MIDN: variants seen among roughly 807,000 people sequenced by gnomAD.
MIDN encodes midnolin, also known as midbrain nucleolar protein.
Under a neutral mutation model 46.1 loss-of-function variants are expected in MIDN, and 26 were observed. The ratio of observed to expected loss-of-function variants is 0.56; its 90% CI spans 0.41 to 0.78. The LOEUF is 0.78. Ranked by LOEUF, MIDN falls within the 30% of genes least tolerant of loss-of-function variation. MIDN has a pLI of 0.00. For missense variants in MIDN, 850 were observed against 771.8 expected, an observed-to-expected ratio of 1.10 and a Z score of -1.20; for synonymous variants, 432 against 343.3, an observed-to-expected ratio of 1.26 and a Z score of -2.86.
At position 1,254,178 on chromosome 19, in the gene MIDN, C is replaced by T. The variant is rs1261868352; in HGVS notation, c.525C>T (p.Phe175=). 1.9e-6 allele frequency: 3 copies of T among 1,596,422 alleles called. No individual in the cohort carries two copies. The highest frequency in any genetic ancestry group is 2.2e-5 in the South Asian group (2 of 90,064). Residue 175 remains phenylalanine (F), a synonymous_variant, in exon 6 of 9, where the codon TTC becomes TTT. Transcript: ENST00000682408. The part of the protein sequence containing the change: ...RGGERPQVSD[F]LSGRSPLTLA... ...CGCTCTCCTTGCAGGTCAGTGACTT[C>T]CTGTCGGGCCGTTCGCCACTGACAC...
chr19:1,250,452 G>T lies in MIDN; in HGVS notation c.156G>T (p.Thr52=), dbSNP rs1351547965. 11 of 1,393,004 alleles carry T rather than the reference G, an allele frequency of 7.9e-6. No homozygotes were observed. Among genetic ancestry groups the T allele is most frequent in the Non-Finnish European group, 1.0e-5 (11 of 1,051,680 alleles). The allele number at this position is 1,393,004 out of a possible 1,614,324, so 86.3% of individuals were successfully genotyped here. Residue 52 remains threonine, a synonymous_variant, in exon 2 of 9, where the codon ACG becomes ACT. Coordinates refer to ENST00000682408, the MANE Select transcript of MIDN (RefSeq NM_001388306.1). ...RYDLAVPPDE[T]VEGLRKRLSQ... ...ACCTGGCCGTGCCGCCCGACGAGAC[G>T]GTGGAGGGGCTGCGCAAGCGGTTGT...
chr19:1,251,088 C>T (rs1490396053), intron 2 of MIDN, among the ~76,000 whole-genome samples: 1 of 151,896 alleles, frequency 6.6e-6, no homozygotes, highest in Non-Finnish European at 1.5e-5. Context: ...TCTCCTTTGT[C>T]TGCGCGGCGG....
chr19:1,256,991 G>C lies in MIDN; in HGVS notation c.1259-4G>C. ...GGAGTCACAGGCCACTACCTCCTTTGCAGGGGACCGGCTTCGGCAGACAGA... is the reference window on the plus strand; with the variant it reads ...GGAGTCACAGGCCACTACCTCCTTTCCAGGGGACCGGCTTCGGCAGACAGA... On this transcript the variant is annotated splice_region_variant and splice_polypyrimidine_tract_variant and intron_variant, in intron 8 of 8. Coordinates refer to ENST00000682408, the MANE Select transcript of MIDN (RefSeq NM_001388306.1). 1.2e-6 allele frequency: 2 copies of C among 1,607,954 alleles called. No individual in the cohort carries two copies. The highest frequency in any genetic ancestry group is 1.7e-6 in the Non-Finnish European group (2 of 1,179,800).
chr19:1,252,153 C>T (rs560364574), intron 4 of MIDN, among the ~76,000 whole-genome samples: 2 of 152,328 alleles, frequency 1.3e-5, no homozygotes, highest in African/African-American at 4.8e-5. Flanking sequence ...ACAAGACTGC[C>T]TGCAGGATGA....
intron 8 of MIDN, among the ~76,000 whole-genome samples, chr19:1,256,218 T>C (rs1161141568): frequency 6.6e-6 from 1 of 152,208 alleles, no homozygotes; most frequent in Non-Finnish European, 1.5e-5. Context: ...GCGCGGTGGC[T>C]CACGCCTGTA....
chr19:1,252,897 CG>C (rs1164219223), intron 4 of MIDN, among the ~76,000 whole-genome samples: 3 of 152,006 alleles, frequency 2.0e-5, no homozygotes, highest in South Asian at 2.1e-4. Flanking sequence ...CGAGCCAGGG[CG>C]GGGGCTGCAG....
At chr19:1,256,843 G>A (rs2081204713) in intron 8 of MIDN, 152 bp from the exon 9 acceptor site, 3 of 1,142,808 alleles carry the variant, frequency 2.6e-6, no homozygotes, top group Non-Finnish European at 3.7e-6. Flanking sequence ...TGCCCGGCAT[G>A]GTGGATGTCC....
intron 2 of MIDN, among the ~76,000 whole-genome samples, chr19:1,250,813 G>T (rs1336640027): frequency 3.9e-5 from 6 of 152,046 alleles, no homozygotes; most frequent in African/African-American, 1.2e-4. Context: ...GGCTGCGGGT[G>T]TGGGGGCCGC....
At chr19:1,256,343 C>T (rs375968511) in intron 8 of MIDN, among the ~76,000 whole-genome samples, 291 of 152,214 alleles carry the variant, frequency 1.9e-3, no homozygotes, top group African/African-American at 6.7e-3. Flanking sequence ...ATTAGCCAGG[C>T]GTGGTGGTGG....
intron 7 of MIDN, 105 bp from the exon 8 acceptor site, chr19:1,255,317 T>A (rs1486830023): frequency 6.5e-6 from 9 of 1,387,050 alleles, no homozygotes; most frequent in Non-Finnish European, 8.7e-6. Context: ...TCAGCCCACA[T>A]GTCCACGCCA....
At chr19:1,252,070 C>G (rs2145488101) in intron 4 of MIDN, among the ~76,000 whole-genome samples, 169 bp downstream of exon 4, 1 of 152,262 alleles carries the variant, frequency 6.6e-6, no homozygotes, top group Middle Eastern at 3.4e-3. Context: ...TCCTCTCCCC[C>G]AAGATTCACC....
rs1054549648 is a variant in MIDN at position 1,257,457 on chromosome 19, T to A, written c.*185T>A. ...TTTTTAAAAAGTTCTGACCGTGGTT[T>A]CCTGGACTCTTCATGGGCTTTGCTT... On this transcript the variant is annotated 3_prime_UTR_variant, in exon 9 of 9. Transcript: ENST00000682408. 6 of 568,716 alleles carry A rather than the reference T, an allele frequency of 1.1e-5. No individual in the cohort carries two copies. Among genetic ancestry groups the A allele is most frequent in the Non-Finnish European group, 1.9e-5 (6 of 323,280 alleles). The allele number at this position is 568,716 out of a possible 1,614,324, so 35.2% of individuals were successfully genotyped here.
At chr19:1,249,010 C>T (rs2081088473) in intron 1 of MIDN, among the ~76,000 whole-genome samples, 1 of 152,002 alleles carries the variant, frequency 6.6e-6, no homozygotes, top group South Asian at 2.1e-4. Flanking sequence ...GTCTTCCTCC[C>T]CTGCCAGGGG....
At position 1,256,983 on chromosome 19, in the gene MIDN, C is replaced by T. The variant is rs1418280297; in HGVS notation, c.1259-12C>T. ...AGGCTTTGGGAGTCACAGGCCACTA[C>T]CTCCTTTGCAGGGGACCGGCTTCGG... On this transcript the variant is annotated splice_polypyrimidine_tract_variant and intron_variant, in intron 8 of 8. Coordinates refer to ENST00000682408, the MANE Select transcript of MIDN (RefSeq NM_001388306.1). 6.2e-7 allele frequency: 1 copy of T among 1,606,866 alleles called. No homozygotes were observed. Among genetic ancestry groups the T allele is most frequent in the South Asian group, 1.1e-5 (1 of 91,068 alleles).
At chr19:1,249,546 C>T (rs1036469133) in intron 1 of MIDN, among the ~76,000 whole-genome samples, 11 of 149,408 alleles carry the variant, frequency 7.4e-5, no homozygotes, top group Non-Finnish European at 1.0e-4. Flanking sequence ...CCGCGCCCCC[C>T]GGGGCGCGCC....
intron 2 of MIDN, among the ~76,000 whole-genome samples, chr19:1,250,921 C>T (rs934378444): frequency 7.9e-5 from 12 of 151,960 alleles, no homozygotes; most frequent in African/African-American, 1.7e-4. Context: ...CTCTCTCCCC[C>T]CCTTTGTTCT....
chr19:1,251,680 A>G, intron 3 of MIDN, 31 bp downstream of exon 3: 1 of 1,587,212 alleles, frequency 6.3e-7, no homozygotes, highest in South Asian at 1.1e-5. Context: ...GTGCCCCCAG[A>G]GGCCCCCGCA....
intron 6 of MIDN, 119 bp downstream of exon 6, chr19:1,254,597 T>C: frequency 3.6e-6 from 4 of 1,113,134 alleles, no homozygotes; most frequent in South Asian, 1.4e-5. Flanking sequence ...TATTAAGGGC[T>C]ATCCTGTGAC....
rs1393499690 is a variant in MIDN at position 1,257,360 on chromosome 19, C to T, written c.*88C>T. The T allele has an allele frequency of 2.7e-6, 3 of 1,101,380 alleles. No individual in the cohort carries two copies. The highest frequency in any genetic ancestry group is 4.0e-6 in the Non-Finnish European group (3 of 749,488). The allele number at this position is 1,101,380 out of a possible 1,614,324, so 68.2% of individuals were successfully genotyped here. A position where few individuals can be genotyped will look rare whatever the true frequency, so the allele number is the denominator to read the frequency against. On this transcript the variant is annotated 3_prime_UTR_variant, in exon 9 of 9. Coordinates refer to ENST00000682408, the MANE Select transcript of MIDN (RefSeq NM_001388306.1). ...GCCCCGGAGAGAACGTGGCCCAGCC[C>T]TGGAGGGCAGGCGGCCACTCCCCCA...
Sources: allele counts gnomAD v4.1 joint callset (sites outside exome capture counted in the v4.1 genomes callset), GRCh38; gene constraint gnomAD v4.1.1; transcripts MANE v1.5; gene names NCBI Gene and HGNC (gene_info 2026-07-23, HGNC 2026-07-21).